The following CDKAL1 variants were observed in gnomAD, a reference collection of about 807,000 sequenced individuals.
CDKAL1 encodes the protein CDKAL1 threonylcarbamoyladenosine tRNA methylthiotransferase, also known as threonylcarbamoyladenosine tRNA methylthiotransferase.
A neutral mutation model predicts 68.2 loss-of-function variants in CDKAL1; 32 were observed. That is an observed-to-expected ratio of 0.47 (90% confidence interval 0.35 to 0.63). The LOEUF (loss-of-function observed/expected upper bound fraction) is 0.63. Ranked by LOEUF, CDKAL1 falls within the 30% of genes least tolerant of loss-of-function variation. The probability of loss-of-function intolerance (pLI) is 0.00; values close to 1 mark genes in which losing one functional copy is unlikely to be tolerated. For synonymous variants in CDKAL1, 234 were observed against 244.3 expected, an observed-to-expected ratio of 0.96 and a Z score of 0.39; for missense variants, 606 against 696.7, an observed-to-expected ratio of 0.87 and a Z score of 1.47.
At chr6:20,684,222 G>A (rs192246422) in intron 5 of CDKAL1, among the ~76,000 whole-genome samples, 12 of 152,220 alleles carry the variant, frequency 7.9e-5, no homozygotes, top group Middle Eastern at 3.4e-3. Flanking sequence ...TGGGTGGGTC[G>A]CTTGAGGTCA....
At position 21,106,365 on chromosome 6, in the gene CDKAL1, C is replaced by A. The variant is rs1025765503; in HGVS notation, c.1237-2036C>A. Among the ~76,000 whole-genome samples the A allele has an allele frequency of 3.3e-5, 5 of 152,304 alleles. No homozygotes were observed. The South Asian group carries it at 8.3e-4, about 25-fold the overall frequency. On this transcript the variant is annotated intron_variant, in intron 12 of 15. Transcript: ENST00000274695. ...ACAATATATAGTCTTCCTTCCATAA[C>A]TGCAAGTTCTACATCTGCAGATTCA...
At chr6:20,667,208 T>C (rs1044355482) in intron 5 of CDKAL1, among the ~76,000 whole-genome samples, 3 of 152,224 alleles carry the variant, frequency 2.0e-5, no homozygotes, top group Admixed American at 2.0e-4. Flanking sequence ...AGAGAGTCAG[T>C]GTTCATTAAT....
At chr6:21,009,572 C>T (rs1050292859) in intron 11 of CDKAL1, among the ~76,000 whole-genome samples, 6 of 152,130 alleles carry the variant, frequency 3.9e-5, no homozygotes, top group African/African-American at 1.4e-4. Flanking sequence ...TGCAGATAAA[C>T]TATGCCCAAT....
intron 12 of CDKAL1, among the ~76,000 whole-genome samples, chr6:21,080,009 T>TGTGTGTGTGTGTGTG (rs1375751747): frequency 1.3e-4 from 19 of 151,290 alleles, no homozygotes; most frequent in South Asian, 2.1e-4. Context: ...TGTGTGTGTG[T>TGTGTGTGTGTGTGTG]TTGAACCATG....
chr6:21,048,958 G>C (rs1193936254), intron 11 of CDKAL1, among the ~76,000 whole-genome samples: 1 of 150,690 alleles, frequency 6.6e-6, no homozygotes. Flanking sequence ...GAGAAAAGTT[G>C]ATTATTTCTG....
intron 9 of CDKAL1, among the ~76,000 whole-genome samples, chr6:20,930,961 T>A (rs112685144): frequency 2.6e-5 from 4 of 151,710 alleles, no homozygotes. Flanking sequence ...GCCAAGATGG[T>A]CTCGATCTCC....
At chr6:20,657,559 C>A (rs1769083176) in intron 5 of CDKAL1, among the ~76,000 whole-genome samples, 1 of 152,142 alleles carries the variant, frequency 6.6e-6, no homozygotes. Flanking sequence ...CACAAAAGAT[C>A]ACCTTGTTTT....
At chr6:20,892,845 G>T (rs1761479427) in intron 9 of CDKAL1, among the ~76,000 whole-genome samples, 1 of 152,174 alleles carries the variant, frequency 6.6e-6, no homozygotes, top group Non-Finnish European at 1.5e-5. Flanking sequence ...TCTGTCAATA[G>T]AATCTGATCA....
At chr6:21,130,724 G>A (rs1402476241) in intron 13 of CDKAL1, among the ~76,000 whole-genome samples, 2 of 152,108 alleles carry the variant, frequency 1.3e-5, no homozygotes, top group Non-Finnish European at 2.9e-5. Context: ...CTTTTTACTT[G>A]TCTACTGGTG....
intron 10 of CDKAL1, among the ~76,000 whole-genome samples, chr6:20,982,849 T>C (rs1766230047): frequency 6.6e-6 from 1 of 152,168 alleles, no homozygotes; most frequent in African/African-American, 2.4e-5. Context: ...TGACTTCTAT[T>C]TCATTTTAAA....
At chr6:21,135,980 TTTC>T (rs1273081099) in intron 13 of CDKAL1, among the ~76,000 whole-genome samples, 1 of 152,194 alleles carries the variant, frequency 6.6e-6, no homozygotes, top group Non-Finnish European at 1.5e-5. Flanking sequence ...CACAAGTGAT[TTTC>T]TTATTTGTAA....
chr6:21,148,532 C>T (rs1361800055), intron 13 of CDKAL1, among the ~76,000 whole-genome samples: 1 of 152,082 alleles, frequency 6.6e-6, no homozygotes, highest in Non-Finnish European at 1.5e-5. Flanking sequence ...ATATCCTGAA[C>T]AAAGCACAGA....
chr6:20,932,604 C>T (rs1763517745), intron 9 of CDKAL1, among the ~76,000 whole-genome samples: 1 of 152,160 alleles, frequency 6.6e-6, no homozygotes, highest in Non-Finnish European at 1.5e-5. Context: ...TTTCCCAAAA[C>T]CTCTTTCCTT....
chr6:20,614,423 C>T (rs1321639822), intron 4 of CDKAL1, among the ~76,000 whole-genome samples: 1 of 152,042 alleles, frequency 6.6e-6, no homozygotes, highest in East Asian at 1.9e-4. Context: ...CTCTCCTTCC[C>T]CTGGATGACT....
intron 4 of CDKAL1, 72 bp downstream of exon 4, chr6:20,548,777 C>G: frequency 2.9e-6 from 2 of 678,132 alleles, no homozygotes; most frequent in South Asian, 1.9e-5. Flanking sequence ...AATAGCCTAG[C>G]AGTTAAAGGG....
In CDKAL1 at chr6:20,785,735, C is replaced by T. The variant is rs1775644992; in HGVS notation, c.638+4470C>T. On this transcript the variant is annotated intron_variant, in intron 8 of 15. Transcript: ENST00000274695. ...ATGAGCCTTCTCAGTAAAATCCTCA[C>T]ACTTTTCAAAATTTTATTGCTTCCA... Among the ~76,000 whole-genome samples the T allele has an allele frequency of 2.0e-5, 3 of 152,236 alleles. No individual in the cohort carries two copies. In the South Asian group the frequency reaches 6.2e-4, roughly 32 times the overall value.
chr6:20,842,484 A>G (rs976242277), intron 8 of CDKAL1, among the ~76,000 whole-genome samples: 4 of 152,246 alleles, frequency 2.6e-5, no homozygotes, highest in African/African-American at 7.2e-5. Context: ...TATTATTTTG[A>G]TAACTGTGGA....
intron 4 of CDKAL1, among the ~76,000 whole-genome samples, chr6:20,629,297 A>G (rs908782471): frequency 6.6e-6 from 1 of 152,080 alleles, no homozygotes; most frequent in African/African-American, 2.4e-5. Context: ...TTTCTCTCTC[A>G]GTGCATCTTA....
At chr6:20,865,817 G>A (rs7749397) in intron 9 of CDKAL1, among the ~76,000 whole-genome samples, 138,329 of 152,238 alleles carry the variant, frequency 0.91, 63,267 homozygotes, top group East Asian at 1. Flanking sequence ...GATACTTTAG[G>A]TCTCCAGCGT....
Sources: allele counts gnomAD v4.1 joint callset (sites outside exome capture counted in the v4.1 genomes callset), GRCh38; gene constraint gnomAD v4.1.1; transcripts MANE v1.5; gene names NCBI Gene and HGNC (gene_info 2026-07-23, HGNC 2026-07-21).